The following WWP2 variants were observed in gnomAD, a reference collection of about 807,000 sequenced individuals.
WWP2 encodes the protein WW domain containing E3 ubiquitin protein ligase 2.
WWP2 carries 57 observed loss-of-function variants against 121.0 expected under a neutral mutation model. That is an observed-to-expected ratio of 0.47 (90% CI 0.38 to 0.59). WWP2 has a LOEUF of 0.59. Ranked by LOEUF, WWP2 falls within the 20% of genes least tolerant of loss-of-function variation. WWP2 has a pLI of 0.00. For missense variants in WWP2, 962 were observed against 1,158.9 expected, an observed-to-expected ratio of 0.83 and a Z score of 2.47; for synonymous variants, 449 against 441.3, an observed-to-expected ratio of 1.02 and a Z score of -0.22.
chr16:69,831,126 A>G (rs202010744), intron 4 of WWP2, among the ~76,000 whole-genome samples: 1 of 152,158 alleles, frequency 6.6e-6, no homozygotes, highest in Non-Finnish European at 1.5e-5. Flanking sequence ...TCACATCTTC[A>G]TCGGGCTTCA....
At chr16:69,918,993 AC>A (rs2058516397) in intron 10 of WWP2, among the ~76,000 whole-genome samples, 1 of 150,194 alleles carries the variant, frequency 6.7e-6, no homozygotes, top group South Asian at 2.1e-4. Flanking sequence ...ACAGGTGCCC[AC>A]CACCACACCC....
At chr16:69,915,337 G>A (rs7192483) in intron 9 of WWP2, among the ~76,000 whole-genome samples, 114,791 of 151,840 alleles carry the variant, frequency 0.76, 44,307 homozygotes, top group East Asian at 0.96. Flanking sequence ...AGATAGTTGA[G>A]GGATGGAATG....
intron 6 of WWP2, among the ~76,000 whole-genome samples, chr16:69,859,382 A>G (rs1338155753): frequency 6.6e-6 from 1 of 152,026 alleles, no homozygotes; most frequent in Non-Finnish European, 1.5e-5. Context: ...GCCAAACCCC[A>G]TCTCAACAAA....
At chr16:69,781,419 C>T (rs150595587) in intron 1 of WWP2, among the ~76,000 whole-genome samples, 1 of 152,254 alleles carries the variant, frequency 6.6e-6, no homozygotes, top group East Asian at 1.9e-4. Context: ...AATCTTGGCT[C>T]ACTGCAGCCT....
At chr16:69,911,066 T>C (rs1597148204) in intron 9 of WWP2, among the ~76,000 whole-genome samples, 1 of 152,184 alleles carries the variant, frequency 6.6e-6, no homozygotes, top group Non-Finnish European at 1.5e-5. Context: ...ATGGCAGAAG[T>C]CCTGCCTCCA....
intron 6 of WWP2, among the ~76,000 whole-genome samples, chr16:69,858,530 G>A (rs143353944): frequency 1.3e-5 from 2 of 151,954 alleles, no homozygotes; most frequent in East Asian, 1.9e-4. Flanking sequence ...TATCACAGCC[G>A]CCTTGTGCTT....
In WWP2 at chr16:69,798,703, T is replaced by A. The variant is rs1177901288; in HGVS notation, c.92T>A (p.Val31Glu). 1 of 1,614,016 alleles carries A rather than the reference T, an allele frequency of 6.2e-7. No individual in the cohort carries two copies. The highest frequency in any genetic ancestry group is 2.2e-5 in the East Asian group (1 of 44,884). ...CCAGTGGTGTCCGCAAAGCCCAAGG[T>A]GCATAATCGTCAACCTCGAATTAAC... The part of the protein sequence containing the change: ...TLKVVSAKPK[V>E]HNRQPRINSY... Residue 31 changes from valine (V) to glutamate (E), a missense_variant, in exon 3 of 24, where the codon GTG (valine) becomes GAG (glutamate). Physicochemically the swap from Val to Glu is moderately radical, Grantham distance 121. Coordinates refer to ENST00000359154, the MANE Select transcript of WWP2 (RefSeq NM_001270454.2).
In WWP2 at chr16:69,917,823, G is replaced by T; in HGVS notation, c.1119G>T (p.Gln373His). ...AEYVRNYEQW[Q>H]SQRNQLQGAM... is the part of the protein sequence containing the mutation. ...ACGTGCGCAACTATGAGCAGTGGCA[G>T]TCGCAGCGGAATCAGCTCCAGGGGG... Residue 373 changes from glutamine to histidine, a missense_variant, in exon 10 of 24, where the codon CAG becomes CAT. Physicochemically the swap from Gln to His is conservative, Grantham distance 24. Coordinates refer to ENST00000359154, the MANE Select transcript of WWP2 (RefSeq NM_001270454.2). The T allele has an allele frequency of 2.5e-6, 4 of 1,614,042 alleles. No individual in the cohort carries two copies. The highest frequency in any genetic ancestry group is 3.4e-6 in the Non-Finnish European group (4 of 1,179,862).
chr16:69,805,309 TAC>T (rs2056252725), intron 4 of WWP2, among the ~76,000 whole-genome samples: 2 of 152,174 alleles, frequency 1.3e-5, no homozygotes, highest in African/African-American at 4.8e-5. Flanking sequence ...GTGCTGGGAT[TAC>T]AGACGTGAGT....
intron 4 of WWP2, among the ~76,000 whole-genome samples, chr16:69,814,622 A>G (rs1322896949): frequency 6.6e-6 from 1 of 152,228 alleles, no homozygotes; most frequent in Non-Finnish European, 1.5e-5. Context: ...CAGATTCAAA[A>G]AGAGAAAGAA....
chr16:69,892,242 G>A (rs1253384964), intron 8 of WWP2, among the ~76,000 whole-genome samples: 1 of 151,944 alleles, frequency 6.6e-6, no homozygotes, highest in Non-Finnish European at 1.5e-5. Flanking sequence ...TGCAGAATGT[G>A]CAGTTTCGTT....
intron 4 of WWP2, among the ~76,000 whole-genome samples, chr16:69,807,825 G>A (rs890400133): frequency 1.3e-5 from 2 of 151,862 alleles, no homozygotes; most frequent in Non-Finnish European, 2.9e-5. Context: ...CAGGTGTGGT[G>A]TTGCACACCT....
chr16:69,914,099 AAG>A, intron 9 of WWP2, among the ~76,000 whole-genome samples: 1 of 150,546 alleles, frequency 6.6e-6, no homozygotes, highest in Non-Finnish European at 1.5e-5. Context: ...AAAAAAAAAA[AAG>A]AAAGTGATAA....
At chr16:69,910,626 G>GTCTTGAAC (rs1255434594) in intron 9 of WWP2, among the ~76,000 whole-genome samples, 4 of 152,146 alleles carry the variant, frequency 2.6e-5, no homozygotes, top group Non-Finnish European at 5.9e-5. Flanking sequence ...GGCCAGGCTG[G>GTCTTGAAC]TCTTGAACTC....
At chr16:69,768,343 TCA>T (rs1299705919) in intron 1 of WWP2, among the ~76,000 whole-genome samples, 1 of 152,182 alleles carries the variant, frequency 6.6e-6, no homozygotes, top group African/African-American at 2.4e-5. Context: ...GCATGGTGGC[TCA>T]CACCTATAAT....
Position 69,925,158 on chromosome 16 carries a change from C to G in WWP2, c.1180-272C>G, listed in dbSNP as rs1051106380. ...TCCGCCACCCTGGCACACCTTCACC[C>G]GCGTACCGCCTCCTCCCCGTCGCTC... On this transcript the variant is annotated intron_variant, in intron 10 of 23. Transcript: ENST00000359154. The surrounding 1 kb of genome is among the most constrained non-coding windows in gnomAD (Gnocchi z 4.0). 9.0e-6 allele frequency: 11 copies of G among 1,225,868 alleles called. No individual in the cohort carries two copies. Among genetic ancestry groups the G allele is most frequent in the South Asian group, 8.8e-5 (4 of 45,346 alleles). 75.9% of individuals were successfully genotyped at this position (1,225,868 alleles called of 1,614,324 possible).
intron 1 of WWP2, among the ~76,000 whole-genome samples, chr16:69,768,444 A>G (rs983888126): frequency 2.6e-5 from 4 of 152,068 alleles, no homozygotes; most frequent in Admixed American, 2.6e-4. Flanking sequence ...CCCCGTCTCT[A>G]CTAAAAATAC....
intron 4 of WWP2, among the ~76,000 whole-genome samples, chr16:69,808,815 G>A (rs1296339980): frequency 1.3e-5 from 2 of 152,200 alleles, no homozygotes; most frequent in Non-Finnish European, 2.9e-5. Flanking sequence ...TGGCCATCAT[G>A]AACAACGCTG....
At chr16:69,781,613 G>A (rs2151785744) in intron 1 of WWP2, among the ~76,000 whole-genome samples, 1 of 152,256 alleles carries the variant, frequency 6.6e-6, no homozygotes, top group Non-Finnish European at 1.5e-5. Context: ...GCCTCCCGAA[G>A]TGCTGGGATT....
Sources: allele counts gnomAD v4.1 joint callset (sites outside exome capture counted in the v4.1 genomes callset), GRCh38; gene constraint gnomAD v4.1.1; non-coding constraint Gnocchi (gnomAD v3.1); transcripts MANE v1.5; gene names NCBI Gene and HGNC (gene_info 2026-07-23, HGNC 2026-07-21).